COL21A1: variants seen among roughly 807,000 people sequenced by gnomAD.
COL21A1 encodes collagen type XXI alpha 1 chain.
Under a neutral mutation model 137.9 loss-of-function variants are expected in COL21A1, and 149 were observed. The ratio of observed to expected loss-of-function variants is 1.08; its 90% CI spans 0.95 to 1.24. COL21A1 has a LOEUF of 1.24. Ranked by LOEUF, COL21A1 falls within the 50% of genes most tolerant of loss-of-function variation. COL21A1 has a pLI of 0.00. For missense variants in COL21A1, 1,167 were observed against 1,158.4 expected (o/e 1.01, Z -0.11); for synonymous variants, 456 against 391.5 (o/e 1.16, Z -1.95).
chr6:56,297,099 C>T (rs541226881), intron 1 of COL21A1, among the ~76,000 whole-genome samples: 2 of 151,994 alleles, frequency 1.3e-5, no homozygotes, highest in South Asian at 4.2e-4. Context: ...CATAGAGATA[C>T]AATACTGAGC....
chr6:56,312,813 G>A (rs1038122209), intron 1 of COL21A1, among the ~76,000 whole-genome samples: 2 of 152,116 alleles, frequency 1.3e-5, no homozygotes, highest in Admixed American at 6.6e-5. Flanking sequence ...CAGTACCACT[G>A]AGACCACTGA....
Position 56,356,657 on chromosome 6 carries a change from A to G in COL21A1, c.-39+37314T>C, listed in dbSNP as rs1765838108. Among the ~76,000 whole-genome samples, 6 of 152,152 alleles carry G rather than the reference A, an allele frequency of 3.9e-5. No individual in the cohort carries two copies. In the South Asian group the frequency reaches 1.2e-3, roughly 32 times the overall value. On this transcript the variant is annotated intron_variant, in intron 1 of 28. Coordinates refer to the COL21A1 transcript ENST00000370819. ...GGCACACGCCTGGGAAAATTTGTTG[A>G]CACATTCTTGTTTCGATAGGATGAA...
chr6:56,333,935 T>C (rs1765284855), intron 1 of COL21A1, among the ~76,000 whole-genome samples: 1 of 151,798 alleles, frequency 6.6e-6, no homozygotes, highest in Non-Finnish European at 1.5e-5. Flanking sequence ...TGTGTTTAAA[T>C]ATTTTGCCCA....
At chr6:56,362,076 C>T (rs910846264) in intron 1 of COL21A1, among the ~76,000 whole-genome samples, 2 of 152,146 alleles carry the variant, frequency 1.3e-5, no homozygotes, top group African/African-American at 4.8e-5. Flanking sequence ...GCCCAATCCA[C>T]CCCCGACCCG....
At chr6:56,210,424 C>T (rs1309780640) in intron 1 of COL21A1, among the ~76,000 whole-genome samples, 1 of 151,962 alleles carries the variant, frequency 6.6e-6, no homozygotes, top group Non-Finnish European at 1.5e-5. Flanking sequence ...GGTAATAAAA[C>T]ATGATGGAGA....
intron 1 of COL21A1, among the ~76,000 whole-genome samples, chr6:56,343,587 T>C (rs1765518041): frequency 6.6e-6 from 1 of 152,182 alleles, no homozygotes; most frequent in South Asian, 2.1e-4. Flanking sequence ...AGCTAGAAGT[T>C]ACTTCAGCTT....
intron 1 of COL21A1, among the ~76,000 whole-genome samples, chr6:56,307,514 C>T (rs1764495907): frequency 6.6e-6 from 1 of 152,214 alleles, no homozygotes; most frequent in African/African-American, 2.4e-5. Flanking sequence ...GCGTAGGACC[C>T]TCCAAGCCAG....
chr6:56,182,489 A>G (rs1561957636), intron 2 of COL21A1, 42 bp downstream of exon 2: 1 of 1,296,522 alleles, frequency 7.7e-7, no homozygotes, highest in Non-Finnish European at 1.1e-6. Flanking sequence ...TTTCCAGATT[A>G]ATTTGTTGAT....
chr6:56,367,452 C>T (rs1261544634), intron 1 of COL21A1, among the ~76,000 whole-genome samples: 1 of 152,192 alleles, frequency 6.6e-6, no homozygotes, highest in Non-Finnish European at 1.5e-5. Flanking sequence ...AAAAAATTTC[C>T]TCCCTCTCAA....
At chr6:56,082,331 A>G (rs1767861178) in intron 17 of COL21A1, among the ~76,000 whole-genome samples, 1 of 109,254 alleles carries the variant, frequency 9.2e-6, no homozygotes, top group Non-Finnish European at 2.0e-5. Context: ...GTTAAAACAA[A>G]CAAACAAACA....
intron 1 of COL21A1, among the ~76,000 whole-genome samples, chr6:56,333,341 A>T (rs1765272221): frequency 7.4e-6 from 1 of 135,390 alleles, no homozygotes; most frequent in Admixed American, 9.0e-5. Context: ...TCCTGTCATC[A>T]TAGATTACTT....
chr6:56,339,085 C>T (rs1489798074), intron 1 of COL21A1, among the ~76,000 whole-genome samples: 1 of 152,176 alleles, frequency 6.6e-6, no homozygotes, highest in African/African-American at 2.4e-5. Context: ...ATCATCCTCT[C>T]AGATGGAAAC....
At chr6:56,177,119 T>C (rs1394100351) in intron 3 of COL21A1, among the ~76,000 whole-genome samples, 2 of 151,974 alleles carry the variant, frequency 1.3e-5, no homozygotes, top group Non-Finnish European at 2.9e-5. Flanking sequence ...GTAGTAGTAG[T>C]AGTACTAGCA....
intron 1 of COL21A1, among the ~76,000 whole-genome samples, chr6:56,301,955 A>C (rs932324385): frequency 8.7e-5 from 13 of 149,860 alleles, no homozygotes; most frequent in African/African-American, 3.0e-4. Context: ...TTCAATTCCC[A>C]CCTATGAGTG....
intron 16 of COL21A1, 51 bp downstream of exon 16, chr6:56,124,011 C>G: frequency 3.5e-6 from 5 of 1,411,918 alleles, no homozygotes; most frequent in Non-Finnish European, 4.7e-6. Context: ...TGTTTCCTCT[C>G]AAGATACAAA....
At chr6:56,206,140 C>T (rs774530098) in intron 1 of COL21A1, among the ~76,000 whole-genome samples, 18 of 152,034 alleles carry the variant, frequency 1.2e-4, no homozygotes, top group Non-Finnish European at 1.8e-4. Context: ...ACAGTATGAA[C>T]CTTCAATGTA....
intron 12 of COL21A1, among the ~76,000 whole-genome samples, chr6:56,138,591 C>G (rs968979940): frequency 1.3e-5 from 2 of 151,954 alleles, no homozygotes; most frequent in African/African-American, 4.8e-5. Flanking sequence ...TCAACAGTGT[C>G]AAACACTGTA....
chr6:56,257,171 C>T (rs1418433421), intron 1 of COL21A1, among the ~76,000 whole-genome samples: 1 of 151,990 alleles, frequency 6.6e-6, no homozygotes, highest in African/African-American at 2.4e-5. Flanking sequence ...ATCTTATTCC[C>T]CCAGAAAATT....
intron 10 of COL21A1, among the ~76,000 whole-genome samples, chr6:56,147,627 T>C (rs917619102): frequency 5.9e-5 from 9 of 152,132 alleles, no homozygotes; most frequent in Admixed American, 3.3e-4. Flanking sequence ...TTGAAGAATT[T>C]AATATACCAA....
Sources: gnomAD v4.1 joint callset for allele counts (sites outside exome capture counted in the v4.1 genomes callset) on GRCh38, gnomAD v4.1.1 for gene constraint, MANE v1.5 for transcripts, NCBI Gene and HGNC (gene_info 2026-07-23, HGNC 2026-07-21) for gene names.